Variants in NRG1 observed in about 807,000 individuals in gnomAD.
NRG1 encodes the protein pro-neuregulin-1, membrane-bound isoform.
Under a neutral mutation model 63.8 loss-of-function variants are expected in NRG1, and 18 were observed. The ratio of observed to expected loss-of-function variants is 0.28; its 90% CI spans 0.19 to 0.42. The LOEUF (loss-of-function observed/expected upper bound fraction) is 0.42, where lower values mean the gene tolerates loss of function less well. Ranked by LOEUF, NRG1 falls within the 10% of genes least tolerant of loss-of-function variation. NRG1 has a pLI of 1.00. For missense variants in NRG1, 762 were observed against 814.7 expected, an observed-to-expected ratio of 0.94 and a Z score of 0.79; for synonymous variants, 302 against 301.3, an observed-to-expected ratio of 1.00 and a Z score of -0.02.
chr8:32,383,824 A>T (rs572178841), intron 1 of NRG1, among the ~76,000 whole-genome samples: 1 of 152,366 alleles, frequency 6.6e-6, no homozygotes, highest in East Asian at 1.9e-4. Context: ...CTATTTGCCA[A>T]TTAGATGACC....
intron 1 of NRG1, among the ~76,000 whole-genome samples, chr8:32,447,320 G>A (rs1820391862): frequency 1.3e-5 from 2 of 152,014 alleles, no homozygotes; most frequent in Non-Finnish European, 2.9e-5. Context: ...ACCTTGCTTG[G>A]CCCTAAAATA....
intron 1 of NRG1, among the ~76,000 whole-genome samples, chr8:31,678,373 T>C (rs1458561585): frequency 6.6e-6 from 1 of 152,118 alleles, no homozygotes; most frequent in Non-Finnish European, 1.5e-5. Context: ...TTTGACCTAA[T>C]TTCCCCCCCA....
At chr8:31,762,864 A>G (rs1817692458) in intron 1 of NRG1, among the ~76,000 whole-genome samples, 1 of 152,218 alleles carries the variant, frequency 6.6e-6, no homozygotes, top group Non-Finnish European at 1.5e-5. Context: ...ATTACTTGAC[A>G]TGAAAACCTG....
intron 1 of NRG1, among the ~76,000 whole-genome samples, chr8:32,065,808 C>T (rs370229990): frequency 6.6e-6 from 1 of 152,086 alleles, no homozygotes; most frequent in African/African-American, 2.4e-5. Flanking sequence ...ACCAACAGTG[C>T]AAAAGTGTTC....
At chr8:32,488,906 T>C (rs571377563) in intron 1 of NRG1, among the ~76,000 whole-genome samples, 1 of 152,276 alleles carries the variant, frequency 6.6e-6, no homozygotes, top group South Asian at 2.1e-4. Flanking sequence ...GCAACCTCAA[T>C]TCTTCCCTCT....
At position 32,670,616 on chromosome 8, in the gene NRG1, G is replaced by T. The variant is rs1260170921; in HGVS notation, c.502+53731G>T. On this transcript the variant is annotated intron_variant, in intron 5 of 11. Coordinates refer to ENST00000356819, the Ensembl canonical transcript of NRG1. ...TCAATGTTATATATGCAGAAATGGT[G>T]AAAAATCAATGAATTTAGTAAGTTA... Among the ~76,000 whole-genome samples, 3 of 152,174 alleles carry T rather than the reference G, an allele frequency of 2.0e-5. No individual in the cohort carries two copies. In the South Asian group the frequency reaches 6.2e-4, roughly 32 times the overall value.
chr8:32,384,232 G>A (rs1387941407), intron 1 of NRG1, among the ~76,000 whole-genome samples: 1 of 152,072 alleles, frequency 6.6e-6, no homozygotes, highest in Non-Finnish European at 1.5e-5. Flanking sequence ...GCAAGACCCT[G>A]TCTCAAAAGA....
chr8:32,559,871 C>CAT (rs1836034296), intron 1 of NRG1, among the ~76,000 whole-genome samples: 1 of 149,590 alleles, frequency 6.7e-6, no homozygotes. Context: ...AAAGAAAAAC[C>CAT]ATTAGCCAGG....
At chr8:32,056,483 G>A (rs1477410595) in intron 1 of NRG1, among the ~76,000 whole-genome samples, 1 of 151,958 alleles carries the variant, frequency 6.6e-6, no homozygotes, top group African/African-American at 2.4e-5. Context: ...GCTTTTGTCT[G>A]TCATAGTATT....
At chr8:32,236,557 T>C (rs1847580332) in intron 1 of NRG1, among the ~76,000 whole-genome samples, 1 of 152,056 alleles carries the variant, frequency 6.6e-6, no homozygotes, top group African/African-American at 2.4e-5. Context: ...GTCTGGATAG[T>C]AGGGATGGAA....
chr8:32,424,004 C>T (rs894683256), intron 1 of NRG1, among the ~76,000 whole-genome samples: 1 of 152,192 alleles, frequency 6.6e-6, no homozygotes, highest in Non-Finnish European at 1.5e-5. Flanking sequence ...TTTATGTCTC[C>T]TGCCCAGTTC....
chr8:32,134,089 T>C (rs1238428559), intron 1 of NRG1, among the ~76,000 whole-genome samples: 1 of 152,162 alleles, frequency 6.6e-6, no homozygotes, highest in Non-Finnish European at 1.5e-5. Context: ...TTGTTACTTG[T>C]AAGGTCTATG....
chr8:32,621,077 C>T (rs1848255923), intron 5 of NRG1, among the ~76,000 whole-genome samples: 1 of 151,974 alleles, frequency 6.6e-6, no homozygotes, highest in African/African-American at 2.4e-5. Flanking sequence ...TTTATTTTTC[C>T]TACCACTTGT....
At chr8:32,342,979 A>T (rs550913047) in intron 1 of NRG1, among the ~76,000 whole-genome samples, 3 of 152,322 alleles carry the variant, frequency 2.0e-5, no homozygotes, top group Admixed American at 2.0e-4. Context: ...AAGAAAACCA[A>T]GTTGTCTTCC....
intron 1 of NRG1, among the ~76,000 whole-genome samples, chr8:32,104,609 A>C (rs1228729165): frequency 6.6e-6 from 1 of 152,138 alleles, no homozygotes; most frequent in Non-Finnish European, 1.5e-5. Flanking sequence ...AAATACAAAC[A>C]CATTGTACAG....
intron 1 of NRG1, among the ~76,000 whole-genome samples, chr8:31,817,923 T>A (rs1823612816): frequency 6.6e-6 from 1 of 152,198 alleles, no homozygotes; most frequent in Non-Finnish European, 1.5e-5. Flanking sequence ...ACAAATAATG[T>A]TTATTTTATA....
At chr8:32,125,914 G>A (rs902795080) in intron 1 of NRG1, among the ~76,000 whole-genome samples, 2 of 151,932 alleles carry the variant, frequency 1.3e-5, no homozygotes, top group Non-Finnish European at 2.9e-5. Context: ...TTGAGTAGGG[G>A]ATTCTATTCA....
chr8:32,238,262 T>A (rs1779248000), intron 1 of NRG1, among the ~76,000 whole-genome samples: 1 of 151,880 alleles, frequency 6.6e-6, no homozygotes. Context: ...CAGGAGTTCT[T>A]GAGACCAGCC....
intron 1 of NRG1, among the ~76,000 whole-genome samples, chr8:31,669,347 C>T (rs1219742738): frequency 6.6e-6 from 1 of 151,994 alleles, no homozygotes; most frequent in East Asian, 1.9e-4. Flanking sequence ...AAGCGATTCT[C>T]CTGCCTCAGC....
Sources: allele counts gnomAD v4.1 joint callset (sites outside exome capture counted in the v4.1 genomes callset), GRCh38; gene constraint gnomAD v4.1.1; transcripts MANE v1.5; gene names NCBI Gene and HGNC (gene_info 2026-07-23, HGNC 2026-07-21).